Variants in LRP1B observed in about 807,000 individuals in gnomAD.
The protein encoded by LRP1B is low-density lipoprotein receptor-related protein 1B.
A neutral mutation model predicts 556.6 loss-of-function variants in LRP1B; 217 were observed. The observed-to-expected ratio is 0.39, with a 90% CI of 0.35 to 0.44. The LOEUF (loss-of-function observed/expected upper bound fraction) is 0.44, where lower values mean the gene tolerates loss of function less well. LRP1B is among the 20% of genes least tolerant of loss of function. The pLI, the probability that LRP1B is intolerant of heterozygous loss-of-function variation, is 1.00. For missense variants in LRP1B, 5,053 were observed against 5,620.8 expected (o/e 0.90, Z 3.23); for synonymous variants, 2,047 against 1,865.8 (o/e 1.10, Z -2.50).
At chr2:142,060,764 T>G (rs145830252) in intron 1 of LRP1B, among the ~76,000 whole-genome samples, 2 of 152,160 alleles carry the variant, frequency 1.3e-5, no homozygotes, top group Admixed American at 6.6e-5. Context: ...CAAAATAAAA[T>G]GTACAACCAC....
chr2:140,339,959 C>T (rs984941281), intron 77 of LRP1B, among the ~76,000 whole-genome samples: 21 of 151,448 alleles, frequency 1.4e-4, no homozygotes, highest in African/African-American at 5.1e-4. Context: ...AGGACCATGT[C>T]AACTTGGAAT....
At chr2:142,022,394 ATTAT>A (rs1703358613) in intron 1 of LRP1B, among the ~76,000 whole-genome samples, 1 of 151,864 alleles carries the variant, frequency 6.6e-6, no homozygotes, top group Non-Finnish European at 1.5e-5. Context: ...TATTATTATT[ATTAT>A]TTGTTTTGTT....
At position 140,527,863 on chromosome 2, in the gene LRP1B, G is replaced by T. The variant is rs186918938; in HGVS notation, c.7763-1513C>A. On this transcript the variant is annotated intron_variant, in intron 47 of 90. Coordinates refer to ENST00000389484, the MANE Select transcript of LRP1B (RefSeq NM_018557.3). ...CTACTAGTAGTTTCTTACTAACTTT[G>T]TTCCGAAAGATTGCTTATAATCTCT... Among the ~76,000 whole-genome samples, 162 of 151,914 alleles carry T rather than the reference G, an allele frequency of 1.1e-3. 3 individuals are homozygous for T. The East Asian group carries it at 0.022, about 21-fold the overall frequency.
intron 32 of LRP1B, among the ~76,000 whole-genome samples, chr2:140,805,143 C>T (rs935585847): frequency 5.9e-5 from 9 of 152,158 alleles, no homozygotes; most frequent in East Asian, 1.9e-4. Context: ...TCTGCAAATA[C>T]ACACAGGACC....
intron 2 of LRP1B, among the ~76,000 whole-genome samples, chr2:141,679,119 T>C (rs1393061275): frequency 2.0e-5 from 3 of 152,070 alleles, no homozygotes; most frequent in Admixed American, 6.6e-5. Flanking sequence ...CCCTTTCCAA[T>C]AGCCAATGAG....
At chr2:141,028,210 A>T (rs868709841) in intron 11 of LRP1B, among the ~76,000 whole-genome samples, 1 of 151,860 alleles carries the variant, frequency 6.6e-6, no homozygotes, top group African/African-American at 2.4e-5. Context: ...AGTTTAAATG[A>T]TATTAATAAT....
intron 4 of LRP1B, among the ~76,000 whole-genome samples, chr2:141,251,845 A>G (rs879384025): frequency 2.6e-5 from 4 of 152,122 alleles, no homozygotes; most frequent in Non-Finnish European, 5.9e-5. Context: ...TTGAGAGAAT[A>G]AAGAAGAAAT....
intron 20 of LRP1B, among the ~76,000 whole-genome samples, chr2:140,929,557 T>G (rs1156728421): frequency 6.6e-6 from 1 of 152,094 alleles, no homozygotes; most frequent in Non-Finnish European, 1.5e-5. Context: ...TATAACCTTA[T>G]AGGCATTTGG....
chr2:140,274,657 T>A (rs1682597151), intron 84 of LRP1B, 59 bp from the exon 85 acceptor site: 1 of 1,437,008 alleles, frequency 7.0e-7, no homozygotes, highest in African/African-American at 1.4e-5. Context: ...TTTTCTTCAG[T>A]CATAATTAAG....
chr2:141,824,219 A>G (rs748440669), intron 1 of LRP1B, among the ~76,000 whole-genome samples: 3 of 152,224 alleles, frequency 2.0e-5, no homozygotes, highest in African/African-American at 7.2e-5. Context: ...AACAATTTGT[A>G]TATTTTATTC....
At chr2:141,837,922 A>G (rs958210250) in intron 1 of LRP1B, among the ~76,000 whole-genome samples, 7 of 152,288 alleles carry the variant, frequency 4.6e-5, no homozygotes, top group African/African-American at 1.4e-4. Flanking sequence ...TGTAATTGAT[A>G]TGGTGAAAAA....
intron 25 of LRP1B, among the ~76,000 whole-genome samples, chr2:140,877,528 A>C (rs1007880743): frequency 1.3e-5 from 2 of 152,188 alleles, no homozygotes; most frequent in African/African-American, 4.8e-5. Flanking sequence ...TGAGGCCCCC[A>C]AATCACTAAG....
chr2:140,433,140 C>G (rs1165996557), intron 66 of LRP1B, among the ~76,000 whole-genome samples: 4 of 152,074 alleles, frequency 2.6e-5, no homozygotes, highest in African/African-American at 4.8e-5. Context: ...GCTCTGTTGC[C>G]CCGGCTGGAG....
chr2:141,846,733 C>A (rs529014684), intron 1 of LRP1B, among the ~76,000 whole-genome samples: 1 of 151,346 alleles, frequency 6.6e-6, no homozygotes, highest in South Asian at 2.1e-4. Flanking sequence ...CCTAAAGTAT[C>A]CATCACATTC....
chr2:141,361,940 C>A (rs1360966787), intron 3 of LRP1B, among the ~76,000 whole-genome samples: 1 of 152,156 alleles, frequency 6.6e-6, no homozygotes, highest in Non-Finnish European at 1.5e-5. Context: ...TCCATCTCAA[C>A]GCCCCCTCTC....
rs374688410 is a variant in LRP1B at position 140,598,734 on chromosome 2, G to A, written c.7091C>T (p.Thr2364Ile). The A allele has an allele frequency of 1.2e-6, 2 of 1,613,156 alleles. No individual in the cohort carries two copies. Among genetic ancestry groups the A allele is most frequent in the East Asian group, 4.5e-5 (2 of 44,822 alleles). Reference protein sequence around the residue: ...AQVVVSTDILTPNGLTIDYRA... With the variant: ...AQVVVSTDILIPNGLTIDYRA... ...GTAGTCGATAGTAAGTCCATTTGGA[G>A]TGAGTATGTCTGTACTGACCACCAC... is the stretch of plus-strand genomic sequence containing the variant. The change falls in exon 43 of 91, where the codon ACT becomes ATT. Residue 2364 changes from threonine to isoleucine, a missense_variant. Around this residue, in one of 5 missense-constraint regions of LRP1B, gnomAD observed 3,619 missense variants for 3,931.9 expected, o/e 0.92. Coordinates refer to ENST00000389484, the MANE Select transcript of LRP1B (RefSeq NM_018557.3).
At chr2:141,791,243 A>T (rs1458593921) in intron 2 of LRP1B, among the ~76,000 whole-genome samples, 1 of 152,010 alleles carries the variant, frequency 6.6e-6, no homozygotes, top group African/African-American at 2.4e-5. Flanking sequence ...TTAGAAAATT[A>T]TGAAATTGTA....
At chr2:141,800,633 AG>A (rs1695978721) in intron 2 of LRP1B, among the ~76,000 whole-genome samples, 1 of 152,202 alleles carries the variant, frequency 6.6e-6, no homozygotes, top group Non-Finnish European at 1.5e-5. Context: ...TAACCTTCAC[AG>A]CACAGTATCT....
At chr2:141,017,799 A>T (rs1399198388) in intron 12 of LRP1B, among the ~76,000 whole-genome samples, 1 of 151,884 alleles carries the variant, frequency 6.6e-6, no homozygotes. Context: ...GTTTGAGACC[A>T]GCCTGAGCAA....
Sources: allele counts gnomAD v4.1 joint callset (sites outside exome capture counted in the v4.1 genomes callset), GRCh38; gene constraint gnomAD v4.1.1; regional missense constraint gnomAD v4.1.1; transcripts MANE v1.5; gene names NCBI Gene and HGNC (gene_info 2026-07-23, HGNC 2026-07-21).